The following PLD4 variants were observed in gnomAD, a reference collection of about 807,000 sequenced individuals.
The protein encoded by PLD4 is phospholipase D family member 4, also known as 5'-3' exonuclease PLD4.
A neutral mutation model predicts 52.3 loss-of-function variants in PLD4; 54 were observed. The ratio of observed to expected loss-of-function variants is 1.03; its 90% confidence interval spans 0.83 to 1.30. The LOEUF (loss-of-function observed/expected upper bound fraction) is 1.30, where lower values mean the gene tolerates loss of function less well. Among genes scored for constraint, PLD4 ranks in the 50% most tolerant of loss-of-function variants. The probability of loss-of-function intolerance (pLI) is 0.00; values close to 1 mark genes in which losing one functional copy is unlikely to be tolerated. For missense variants in PLD4, 731 were observed against 671.1 expected (o/e 1.09, Z -0.99); for synonymous variants, 264 against 286.5 (o/e 0.92, Z 0.79).
intron 5 of PLD4, among the ~76,000 whole-genome samples, chr14:104,929,641 T>C (rs757849740): frequency 3.9e-5 from 6 of 152,182 alleles, no homozygotes; most frequent in African/African-American, 7.2e-5. Flanking sequence ...AGTGCCATTT[T>C]CCACAGGGCA....
chr14:104,931,477 G>A (rs146039917), intron 7 of PLD4, among the ~76,000 whole-genome samples: 1 of 152,130 alleles, frequency 6.6e-6, no homozygotes, highest in African/African-American at 2.4e-5. Context: ...GAAGGGAGTG[G>A]ATAAACTTCC....
rs772901877 is a variant in PLD4, at chr14:104,930,057, G to T, written c.669G>T (p.Arg223=). ...CCAAATTCTGGGTTGTGGATGGACG[G>T]CACATATACATGGGCAGTGCCAACA... ...LHSKFWVVDG[R]HIYMGSANMD... The change falls in exon 6 of 11, where the codon CGG becomes CGT. Residue 223 remains arginine (R), a synonymous_variant. Coordinates refer to ENST00000392593, the MANE Select transcript of PLD4 (RefSeq NM_138790.5). 6.2e-7 allele frequency: 1 copy of T among 1,613,652 alleles called. No homozygotes were observed. The highest frequency in any genetic ancestry group is 2.2e-5 in the East Asian group (1 of 44,886).
intron 1 of PLD4, among the ~76,000 whole-genome samples, chr14:104,925,813 G>A (rs924418882): frequency 1.3e-5 from 2 of 151,994 alleles, no homozygotes; most frequent in East Asian, 1.9e-4. Flanking sequence ...GGGTGGGGGC[G>A]GCACCCACCC....
intron 6 of PLD4, chr14:104,930,503 T>G (rs1897605893): frequency 3.4e-6 from 2 of 591,928 alleles, no homozygotes. Context: ...TCTATTGTTT[T>G]TGTAATAAAC....
downstream of PLD4, chr14:104,936,763 G>A (rs1430344241): frequency 6.6e-6 from 1 of 152,318 alleles, no homozygotes; most frequent in Non-Finnish European, 1.5e-5. Context: ...CTGCCCCCTT[G>A]AACACTGCAT....
Position 104,933,161 on chromosome 14 carries a change from C to T in PLD4, c.*197C>T, listed in dbSNP as rs1897717846. The T allele has an allele frequency of 1.7e-6, 1 of 589,182 alleles. No individual in the cohort carries two copies. Among genetic ancestry groups the T allele is most frequent in the Admixed American group, 3.5e-5 (1 of 28,256 alleles). 36.5% of individuals were successfully genotyped at this position (589,182 alleles called of 1,614,324 possible). A position where few individuals can be genotyped will look rare whatever the true frequency, so the allele number is the denominator to read the frequency against. Reference sequence around the variant, plus strand: ...TCCAGCCCCCCCTGAGCCCCACCTCCTCCAGGGAGCCCTCCAGGAAGCCCC... The same window carrying T: ...TCCAGCCCCCCCTGAGCCCCACCTCTTCCAGGGAGCCCTCCAGGAAGCCCC... On this transcript the variant is annotated 3_prime_UTR_variant, in exon 11 of 11. Transcript: ENST00000392593.
Position 104,931,740 on chromosome 14 carries a change from C to G in PLD4, c.919-8C>G. Reference sequence around the variant, plus strand: ...GCAGAGCCTTCAGGGATTTCTCTCCCGTCACAGGCGTCGCCACCAGCACTC... The same window carrying G: ...GCAGAGCCTTCAGGGATTTCTCTCCGGTCACAGGCGTCGCCACCAGCACTC... On this transcript the variant is annotated splice_polypyrimidine_tract_variant and splice_region_variant and intron_variant, in intron 7 of 10. Coordinates refer to ENST00000392593, the MANE Select transcript of PLD4 (RefSeq NM_138790.5). 1.3e-6 allele frequency: 2 copies of G among 1,581,412 alleles called. No individual in the cohort carries two copies. The highest frequency in any genetic ancestry group is 1.7e-6 in the Non-Finnish European group (2 of 1,165,250).
chr14:104,932,684 G>A lies in PLD4; in HGVS notation c.1322-81G>A. The A allele has an allele frequency of 2.2e-6, 3 of 1,376,258 alleles. No individual in the cohort carries two copies. The highest frequency in any genetic ancestry group is 2.9e-6 in the Non-Finnish European group (3 of 1,031,258). 85.3% of individuals were successfully genotyped at this position (1,376,258 alleles called of 1,614,324 possible). A position where few individuals can be genotyped will look rare whatever the true frequency, so the allele number is the denominator to read the frequency against. ...CCAGCTGCCAACCGTCCCCAAACCC[G>A]TAGCCGGGCCTGGCGCTGAGCGGGC... On this transcript the variant is annotated intron_variant, in intron 10 of 10. Transcript: ENST00000392593. This position sits in a 1 kb window ranked among gnomAD's most constrained non-coding sequence, Gnocchi z 6.5.
At position 104,930,064 on chromosome 14, in the gene PLD4, T is replaced by C. The variant is rs911621836; in HGVS notation, c.676T>C (p.Tyr226His). Residue 226 changes from tyrosine (Y) to histidine (H), a missense_variant, in exon 6 of 11, where the codon TAC becomes CAC. Transcript: ENST00000392593. ...KFWVVDGRHI[Y>H]MGSANMDWRS... Reference sequence around the variant, plus strand: ...CTGGGTTGTGGATGGACGGCACATATACATGGGCAGTGCCAACATGGACTG... The same window carrying C: ...CTGGGTTGTGGATGGACGGCACATACACATGGGCAGTGCCAACATGGACTG... 9.3e-6 allele frequency: 15 copies of C among 1,613,326 alleles called. No individual in the cohort carries two copies. Among genetic ancestry groups the C allele is most frequent in the Non-Finnish European group, 1.2e-5 (14 of 1,179,864 alleles).
intron 6 of PLD4, 148 bp downstream of exon 6, chr14:104,930,253 G>A: frequency 4.5e-6 from 5 of 1,107,804 alleles, no homozygotes; most frequent in Non-Finnish European, 6.3e-6. Context: ...CCGGAGACTG[G>A]TCTAATAAAT....
intron 6 of PLD4, 102 bp downstream of exon 6, chr14:104,930,207 T>C: frequency 6.8e-7 from 1 of 1,475,418 alleles, no homozygotes; most frequent in Non-Finnish European, 9.2e-7. Context: ...GAGAAAGTCG[T>C]GTAGTCCTGT....
chr14:104,928,790 C>T lies in PLD4; in HGVS notation c.326C>T (p.Ala109Val), dbSNP rs189591800. 2.8e-5 allele frequency: 45 copies of T among 1,606,594 alleles called. No individual in the cohort carries two copies. The African/African-American group carries it at 4.5e-4, about 16-fold the overall frequency. The change falls in exon 4 of 11, where the codon GCA (alanine) becomes GTA (valine). Residue 109 changes from alanine to valine, a missense_variant. Physicochemically the swap from Ala to Val is moderately conservative, Grantham distance 64 (BLOSUM62 0). Coordinates refer to ENST00000392593, the MANE Select transcript of PLD4 (RefSeq NM_138790.5). ...VESIPQDLPSAAGSPSAQPLG... is the reference protein window; with the variant it reads ...VESIPQDLPSVAGSPSAQPLG... ...AGCATCCCCCAGGACCTGCCATCTG[C>T]AGCCGGCAGCCCCTCTGCCCAGCCT...
chr14:104,928,825 G>T lies in PLD4; in HGVS notation c.361G>T (p.Ala121Ser), dbSNP rs1897542755. Reference protein sequence around the residue: ...GSPSAQPLGQAWLQLLDTAQE... With the variant: ...GSPSAQPLGQSWLQLLDTAQE... Reference sequence around the variant, plus strand: ...CCCCTCTGCCCAGCCTCTGGGCCAGGCCTGGCTGCAGCTGCTGGACACTGC... The same window carrying T: ...CCCCTCTGCCCAGCCTCTGGGCCAGTCCTGGCTGCAGCTGCTGGACACTGC... The change falls in exon 4 of 11, where the codon GCC becomes TCC. Residue 121 changes from alanine (A) to serine (S), a missense_variant. Ala to Ser is a moderately conservative substitution (Grantham distance 99). Transcript: ENST00000392593. 4 of 1,612,154 alleles carry T rather than the reference G, an allele frequency of 2.5e-6. No homozygotes were observed. The East Asian group carries it at 8.9e-5, about 36-fold the overall frequency.
rs1448768067 is a variant in PLD4 at position 104,932,128 on chromosome 14, G to A, written c.1175G>A (p.Arg392Gln). The change falls in exon 9 of 11, where the codon CGG becomes CAG. Residue 392 changes from arginine to glutamine, a missense_variant. Coordinates refer to ENST00000392593, the MANE Select transcript of PLD4 (RefSeq NM_138790.5). This position sits in a 1 kb window ranked among gnomAD's most constrained non-coding sequence, Gnocchi z 6.5. ...GACCCCACCATGTTCCCCTACCTGC[G>A]GTCCCTGCAGGCGCTCAGCAACCCC... ...NTDPTMFPYL[R>Q]SLQALSNPAA... is the part of the protein sequence containing the mutation. The A allele has an allele frequency of 6.2e-7, 1 of 1,611,454 alleles. No individual in the cohort carries two copies. Among genetic ancestry groups the A allele is most frequent in the South Asian group, 1.1e-5 (1 of 90,970 alleles).
At chr14:104,933,976 T>C (rs1228022079), downstream of PLD4, 1 of 12,122 alleles carries the variant, frequency 8.2e-5, no homozygotes, top group Admixed American at 8.9e-4. Flanking sequence ...CGGGGCTGAG[T>C]GAGGGGAGGG....
At position 104,933,066 on chromosome 14, in the gene PLD4, G is replaced by A; in HGVS notation, c.*102G>A. On this transcript the variant is annotated 3_prime_UTR_variant, in exon 11 of 11. Coordinates refer to ENST00000392593, the MANE Select transcript of PLD4 (RefSeq NM_138790.5). ...TTCCTCCCGCAAGCAGCCCGGGTCC[G>A]CACTGCGCCAGGAGCCGCCTGCGAC... 2.3e-6 allele frequency: 3 copies of A among 1,331,146 alleles called. No individual in the cohort carries two copies. Among genetic ancestry groups the A allele is most frequent in the South Asian group, 1.6e-5 (1 of 63,100 alleles). The allele number at this position is 1,331,146 out of a possible 1,614,324, so 82.5% of individuals were successfully genotyped here.
chr14:104,925,752 C>T (rs1314341850), intron 1 of PLD4, among the ~76,000 whole-genome samples: 2 of 151,964 alleles, frequency 1.3e-5, no homozygotes, highest in Non-Finnish European at 2.9e-5. Context: ...GGTGGGCACC[C>T]TGAGGTCTCC....
chr14:104,930,698 CAG>C, intron 6 of PLD4, 42 bp from the exon 7 acceptor site: 1 of 1,604,388 alleles, frequency 6.2e-7, no homozygotes, highest in South Asian at 1.1e-5. Context: ...GGAGGCCCCA[CAG>C]AGGGGTTTTT....
intron 3 of PLD4, 60 bp downstream of exon 3, chr14:104,927,926 T>C: frequency 6.9e-7 from 1 of 1,457,166 alleles, no homozygotes; most frequent in South Asian, 1.3e-5. Flanking sequence ...CTGCCTGTGT[T>C]TCTGCCCTTG....
Sources: allele counts gnomAD v4.1 joint callset (sites outside exome capture counted in the v4.1 genomes callset), GRCh38; gene constraint gnomAD v4.1.1; non-coding constraint Gnocchi (gnomAD v3.1); transcripts MANE v1.5; gene names NCBI Gene and HGNC (gene_info 2026-07-23, HGNC 2026-07-21).